STOX2: variants seen among roughly 807,000 people sequenced by gnomAD.
STOX2 encodes the protein storkhead box 2.
Under a neutral mutation model 60.9 loss-of-function variants are expected in STOX2, and 28 were observed. That is an observed-to-expected ratio of 0.46 (90% CI 0.34 to 0.63). STOX2 has a LOEUF of 0.63. Ranked by LOEUF, STOX2 falls within the 30% of genes least tolerant of loss-of-function variation. STOX2 has a pLI of 0.01. For missense variants in STOX2, 1,024 were observed against 1,187.7 expected, an observed-to-expected ratio of 0.86 and a Z score of 2.03; for synonymous variants, 472 against 463.9, an observed-to-expected ratio of 1.02 and a Z score of -0.22.
intron 1 of STOX2, among the ~76,000 whole-genome samples, chr4:183,918,833 G>A (rs574660231): frequency 9.1e-4 from 139 of 152,300 alleles, no homozygotes; most frequent in Non-Finnish European, 1.6e-3. Context: ...GCTCCGGGAT[G>A]ACGGCCTGAG....
intron 1 of STOX2, among the ~76,000 whole-genome samples, chr4:183,995,291 CTTTTTTTTTT>C (rs61681165): frequency 5.5e-4 from 44 of 79,448 alleles, no homozygotes; most frequent in Admixed American, 7.4e-4. Flanking sequence ...TTATTTTAGT[CTTTTTTTTTT>C]TTTTTTTTTT....
At chr4:183,896,555 T>C (rs1741344377) in intron 1 of STOX2, among the ~76,000 whole-genome samples, 1 of 152,216 alleles carries the variant, frequency 6.6e-6, no homozygotes, top group African/African-American at 2.4e-5. Flanking sequence ...TTGCCCAGGC[T>C]GTTCTCAAAC....
intron 1 of STOX2, among the ~76,000 whole-genome samples, chr4:183,985,171 C>T (rs1732793895): frequency 6.6e-6 from 1 of 152,122 alleles, no homozygotes; most frequent in African/African-American, 2.4e-5. Flanking sequence ...CTCATTGGTC[C>T]ATGTGCCAAG....
intron 2 of STOX2, among the ~76,000 whole-genome samples, chr4:184,006,720 A>T (rs1033043181): frequency 2.0e-5 from 3 of 150,512 alleles, no homozygotes; most frequent in African/African-American, 7.3e-5. Flanking sequence ...AAAGAAAAAA[A>T]TTCATTTCTA....
intron 1 of STOX2, among the ~76,000 whole-genome samples, chr4:183,910,734 G>A (rs554535572): frequency 2.6e-5 from 4 of 152,234 alleles, no homozygotes; most frequent in East Asian, 1.9e-4. Flanking sequence ...TAAAGCGTGC[G>A]TTTTTAATAC....
chr4:184,003,756 T>C (rs2111231049), intron 2 of STOX2, among the ~76,000 whole-genome samples: 1 of 152,370 alleles, frequency 6.6e-6, no homozygotes, highest in South Asian at 2.1e-4. Flanking sequence ...ATATTTACTA[T>C]GTGGTTCTTT....
intron 1 of STOX2, among the ~76,000 whole-genome samples, chr4:183,815,117 C>T (rs973136168): frequency 6.6e-5 from 10 of 151,936 alleles, no homozygotes; most frequent in East Asian, 3.9e-4. Context: ...CTCAGCCTCC[C>T]GAGTGGCTGG....
At chr4:183,967,384 AAAG>A (rs1310545136) in intron 1 of STOX2, among the ~76,000 whole-genome samples, 2 of 150,350 alleles carry the variant, frequency 1.3e-5, no homozygotes, top group Non-Finnish European at 2.9e-5. Context: ...AAAAAAAAAA[AAAG>A]AAGTGAGAGG....
rs1734623341 is a variant in STOX2, at chr4:184,022,349, AAGG to A, written c.*5068_*5070del. ...TGCATCTTTTGCAGCAGCAGCCCAC[AAGG>A]AGATTCCCAGAGATGGCTCCCCTAA... On this transcript the variant is annotated 3_prime_UTR_variant, in exon 4 of 4. Coordinates refer to ENST00000308497, the MANE Select transcript of STOX2 (RefSeq NM_020225.3). 1 of 152,172 alleles carries A rather than the reference AAGG, an allele frequency of 6.6e-6. No homozygotes were observed. The highest frequency in any genetic ancestry group is 1.5e-5 in the Non-Finnish European group (1 of 68,044). The allele number at this position is 152,172 out of a possible 1,614,324, so 9.4% of individuals were successfully genotyped here.
intron 1 of STOX2, among the ~76,000 whole-genome samples, chr4:183,843,809 T>C (rs947272495): frequency 1.4e-4 from 21 of 152,246 alleles, no homozygotes; most frequent in African/African-American, 4.8e-4. Flanking sequence ...GAAACTCATC[T>C]TTAATTCCAT....
rs536387224 is a variant in STOX2 at position 183,890,526 on chromosome 4, A to G, written c.364+92471A>G. Among the ~76,000 whole-genome samples the G allele has an allele frequency of 0.015, 68 of 4,408 alleles. 1 individual carries two copies. The East Asian group carries it at 0.38, about 25-fold the overall frequency. 2.9% of individuals were successfully genotyped at this position (4,408 alleles called of 152,430 possible). Reference sequence around the variant, plus strand: ...AGCAACAGAAGAAAGAGGGACAGGAAAAGGAGGGAAGGAAGGAGAGAGGGA... The same window carrying G: ...AGCAACAGAAGAAAGAGGGACAGGAGAAGGAGGGAAGGAAGGAGAGAGGGA... On this transcript the variant is annotated intron_variant, in intron 1 of 2. Coordinates refer to the STOX2 transcript ENST00000513034.
At chr4:183,863,170 A>C (rs780291184) in intron 1 of STOX2, among the ~76,000 whole-genome samples, 18 of 152,174 alleles carry the variant, frequency 1.2e-4, no homozygotes, top group Non-Finnish European at 1.5e-4. Flanking sequence ...AGTGACGTGG[A>C]CATGGAGCAC....
At chr4:183,940,833 T>C (rs1742733514) in intron 1 of STOX2, among the ~76,000 whole-genome samples, 1 of 152,274 alleles carries the variant, frequency 6.6e-6, no homozygotes, top group East Asian at 1.9e-4. Context: ...TTGCAACCTC[T>C]TTATTTTACT....
intron 1 of STOX2, among the ~76,000 whole-genome samples, chr4:183,993,432 T>C (rs1331207092): frequency 6.6e-6 from 1 of 152,218 alleles, no homozygotes; most frequent in Non-Finnish European, 1.5e-5. Context: ...TTAACTTTAT[T>C]CCCATTAGAA....
At chr4:183,949,118 A>C (rs928480043) in intron 1 of STOX2, among the ~76,000 whole-genome samples, 1 of 152,094 alleles carries the variant, frequency 6.6e-6, no homozygotes, top group Non-Finnish European at 1.5e-5. Flanking sequence ...AATTGAAGCT[A>C]TTGGTATAAT....
intron 1 of STOX2, chr4:183,798,695 G>C: frequency 1.0e-6 from 1 of 985,394 alleles, no homozygotes; most frequent in Non-Finnish European, 1.2e-6. Context: ...ACACAAAGAG[G>C]CCGGAGGAAA....
chr4:183,886,591 G>A (rs901763913), intron 1 of STOX2, among the ~76,000 whole-genome samples: 4 of 152,200 alleles, frequency 2.6e-5, no homozygotes, highest in African/African-American at 7.2e-5. Context: ...TTCCAGCACC[G>A]TCCAGGTGCA....
intron 1 of STOX2, among the ~76,000 whole-genome samples, chr4:183,827,864 G>GAA (rs546901897): frequency 1.6e-3 from 205 of 127,324 alleles, no homozygotes; most frequent in Non-Finnish European, 2.7e-3. Flanking sequence ...GTGACAGAAT[G>GAA]AAATCCTGCC....
At chr4:184,015,926 T>C (rs1254265624) in intron 3 of STOX2, 1 of 152,230 alleles carries the variant, frequency 6.6e-6, no homozygotes, top group Non-Finnish European at 1.5e-5. Flanking sequence ...GGCCCAGTCA[T>C]CTTATTTCTG....
Sources: gnomAD v4.1 joint callset for allele counts (sites outside exome capture counted in the v4.1 genomes callset) on GRCh38, gnomAD v4.1.1 for gene constraint, MANE v1.5 for transcripts, NCBI Gene and HGNC (gene_info 2026-07-23, HGNC 2026-07-21) for gene names.